TRPM3: variants seen among roughly 807,000 people sequenced by gnomAD.
TRPM3 encodes long transient receptor potential channel 3.
A neutral mutation model predicts 181.2 loss-of-function variants in TRPM3; 77 were observed. That is an observed-to-expected ratio of 0.42 (90% CI 0.35 to 0.51). The LOEUF is 0.51. Ranked by LOEUF, TRPM3 falls within the 20% of genes least tolerant of loss-of-function variation. The pLI, the probability that TRPM3 is intolerant of heterozygous loss-of-function variation, is 0.01. For missense variants in TRPM3, 1,759 were observed against 2,196.7 expected (o/e 0.80, Z 3.98); for synonymous variants, 745 against 796.4 (o/e 0.94, Z 1.09).
chr9:71,147,214 T>G (rs929270961), intron 1 of TRPM3, among the ~76,000 whole-genome samples: 3 of 152,178 alleles, frequency 2.0e-5, no homozygotes, highest in Non-Finnish European at 4.4e-5. Flanking sequence ...ATCGAGGAGA[T>G]AGCTTCATGG....
At chr9:70,618,067 G>A (rs941471575) in intron 17 of TRPM3, among the ~76,000 whole-genome samples, 1 of 152,064 alleles carries the variant, frequency 6.6e-6, no homozygotes, top group African/African-American at 2.4e-5. Flanking sequence ...TATTCTTTCA[G>A]TCTTCCATCT....
At chr9:70,787,763 C>CTTTTTTTTTTTTTTTTTTTTTTGTT (rs2084089646) in intron 6 of TRPM3, among the ~76,000 whole-genome samples, 12 of 68,560 alleles carry the variant, frequency 1.8e-4, no homozygotes, top group Admixed American at 1.8e-4. Context: ...TTTTTGGATT[C>CTTTTTTTTTTTTTTTTTTTTTTGTT]TTTTTTTTTT....
At chr9:71,421,455 C>G (rs547612079) in intron 1 of TRPM3, among the ~76,000 whole-genome samples, 1 of 151,926 alleles carries the variant, frequency 6.6e-6, no homozygotes, top group African/African-American at 2.4e-5. Context: ...GTCCCTCCTC[C>G]TTTCTCTACC....
intron 18 of TRPM3, among the ~76,000 whole-genome samples, chr9:70,611,683 T>C (rs918300313): frequency 6.6e-6 from 1 of 152,238 alleles, no homozygotes; most frequent in Non-Finnish European, 1.5e-5. Context: ...GGTTCCCTAA[T>C]TTTAAACACT....
chr9:71,020,743 A>G (rs1000896007), intron 1 of TRPM3, among the ~76,000 whole-genome samples: 1 of 152,212 alleles, frequency 6.6e-6, no homozygotes, highest in Non-Finnish European at 1.5e-5. Context: ...TGGTGAGTTA[A>G]TTGATCAAGT....
rs182160080 is a variant in TRPM3, at chr9:70,777,681, T to C, written c.1148+6424A>G. ...CTTCTGCCTTCCCAGAATTCAATAATAACATCTAATTGAAAAATTATTTGT... is the reference window on the plus strand; with the variant it reads ...CTTCTGCCTTCCCAGAATTCAATAACAACATCTAATTGAAAAATTATTTGT... On this transcript the variant is annotated intron_variant, in intron 7 of 25. Transcript: ENST00000677713. 5.9e-5 allele frequency among the ~76,000 whole-genome samples: 9 copies of C among 152,234 alleles called. No individual in the cohort carries two copies. In the East Asian group the frequency reaches 1.7e-3, roughly 29 times the overall value.
chr9:70,848,132 G>GT (rs1419763533), intron 3 of TRPM3, among the ~76,000 whole-genome samples: 3 of 152,124 alleles, frequency 2.0e-5, no homozygotes, highest in Admixed American at 6.6e-5. Context: ...AGATGACTGA[G>GT]TATAAGAGTC....
intron 1 of TRPM3, among the ~76,000 whole-genome samples, chr9:70,987,959 C>T (rs1037556504): frequency 6.6e-6 from 1 of 151,990 alleles, no homozygotes; most frequent in Non-Finnish European, 1.5e-5. Context: ...TAGTGTACTC[C>T]TTATAATTTA....
chr9:71,151,644 C>T (rs1045265715), intron 1 of TRPM3, among the ~76,000 whole-genome samples: 2 of 151,964 alleles, frequency 1.3e-5, no homozygotes, highest in African/African-American at 2.4e-5. Flanking sequence ...TTCGATGACA[C>T]GTGCACACAG....
intron 1 of TRPM3, among the ~76,000 whole-genome samples, chr9:71,377,005 C>T (rs2092682939): frequency 6.6e-6 from 1 of 152,102 alleles, no homozygotes; most frequent in African/African-American, 2.4e-5. Flanking sequence ...CCAATTATTA[C>T]ATAGCTGCCA....
At chr9:70,664,641 GTTTTTTTTT>G (rs71367210) in intron 9 of TRPM3, among the ~76,000 whole-genome samples, 40 of 100,280 alleles carry the variant, frequency 4.0e-4, no homozygotes, top group Middle Eastern at 5.9e-3. Flanking sequence ...TAGGAGAGTA[GTTTTTTTTT>G]TTTTTTTTTT....
At chr9:71,361,945 A>G (rs533669773) in intron 1 of TRPM3, among the ~76,000 whole-genome samples, 14 of 152,318 alleles carry the variant, frequency 9.2e-5, no homozygotes, top group Non-Finnish European at 1.8e-4. Context: ...AAGAGATGAA[A>G]GAGATTATAG....
chr9:70,539,742 T>C (rs2042781870), intron 25 of TRPM3, among the ~76,000 whole-genome samples: 3 of 152,220 alleles, frequency 2.0e-5, no homozygotes, highest in South Asian at 2.1e-4. Flanking sequence ...GTGTGTCTCA[T>C]AGACTTGGAA....
At chr9:71,086,623 T>C (rs1442575238) in intron 1 of TRPM3, among the ~76,000 whole-genome samples, 1 of 152,016 alleles carries the variant, frequency 6.6e-6, no homozygotes, top group Non-Finnish European at 1.5e-5. Context: ...CTTTTTCTAA[T>C]TGGCCTGGTT....
chr9:70,666,980 T>C (rs1251572997), intron 9 of TRPM3, among the ~76,000 whole-genome samples: 1 of 152,160 alleles, frequency 6.6e-6, no homozygotes, highest in African/African-American at 2.4e-5. Flanking sequence ...GAGTGTTTTA[T>C]AGGATGTTGT....
chr9:71,174,496 A>ATGTCAC (rs1390771556), intron 1 of TRPM3, among the ~76,000 whole-genome samples: 1 of 152,082 alleles, frequency 6.6e-6, no homozygotes, highest in Non-Finnish European at 1.5e-5. Flanking sequence ...AGCTAAGATC[A>ATGTCAC]TGTCACTGTA....
At chr9:70,801,875 C>T (rs1035564976) in intron 6 of TRPM3, among the ~76,000 whole-genome samples, 2 of 152,254 alleles carry the variant, frequency 1.3e-5, no homozygotes, top group Middle Eastern at 3.4e-3. Flanking sequence ...TGTGCAAAAA[C>T]TAATTCGTTC....
At chr9:71,075,213 C>T (rs1056204128) in intron 1 of TRPM3, among the ~76,000 whole-genome samples, 2 of 152,150 alleles carry the variant, frequency 1.3e-5, no homozygotes, top group African/African-American at 4.8e-5. Context: ...TTTCTTTTCT[C>T]CTTCAATTCT....
intron 12 of TRPM3, among the ~76,000 whole-genome samples, chr9:70,633,758 A>G (rs1212206119): frequency 6.6e-6 from 1 of 152,246 alleles, no homozygotes; most frequent in Non-Finnish European, 1.5e-5. Flanking sequence ...AATTCTAGCC[A>G]ATCACTTCCT....
Sources: gnomAD v4.1 joint callset for allele counts (sites outside exome capture counted in the v4.1 genomes callset) on GRCh38, gnomAD v4.1.1 for gene constraint, MANE v1.5 for transcripts, NCBI Gene and HGNC (gene_info 2026-07-23, HGNC 2026-07-21) for gene names.